Variants in C8orf34 observed in about 807,000 individuals in gnomAD.
C8orf34 encodes uncharacterized protein C8orf34.
C8orf34 carries 65 observed loss-of-function variants against 68.3 expected under a neutral mutation model. The observed-to-expected ratio is 0.95, with a 90% CI of 0.78 to 1.17. The LOEUF (loss-of-function observed/expected upper bound fraction) is 1.17. C8orf34 is among the 50% of genes most tolerant of loss of function. C8orf34 has a pLI of 0.00. For synonymous variants in C8orf34, 244 were observed against 241.2 expected (o/e 1.01, Z -0.11); for missense variants, 664 against 655.4 (o/e 1.01, Z -0.14).
chr8:68,568,417 C>T (rs1325961529), intron 7 of C8orf34, among the ~76,000 whole-genome samples: 1 of 152,154 alleles, frequency 6.6e-6, no homozygotes, highest in Non-Finnish European at 1.5e-5. Flanking sequence ...CACTTGAACA[C>T]TTCAGTATTT....
At chr8:68,527,457 AG>A (rs1815054223) in intron 6 of C8orf34, among the ~76,000 whole-genome samples, 1 of 152,166 alleles carries the variant, frequency 6.6e-6, no homozygotes, top group African/African-American at 2.4e-5. Flanking sequence ...CTGTAGTCCC[AG>A]CTACTCGGGA....
intron 1 of C8orf34, among the ~76,000 whole-genome samples, chr8:68,342,117 T>A (rs1806096082): frequency 6.6e-6 from 1 of 152,210 alleles, no homozygotes; most frequent in South Asian, 2.1e-4. Flanking sequence ...AGGTAACAGA[T>A]ATGTTAATCA....
chr8:68,702,740 C>T (rs902260795), intron 8 of C8orf34, among the ~76,000 whole-genome samples: 11 of 152,134 alleles, frequency 7.2e-5, no homozygotes, highest in Admixed American at 2.6e-4. Context: ...AATGGACATT[C>T]GACATCAGGG....
At chr8:68,390,099 C>T (rs1001410712) in intron 1 of C8orf34, among the ~76,000 whole-genome samples, 4 of 152,100 alleles carry the variant, frequency 2.6e-5, no homozygotes, top group African/African-American at 9.7e-5. Context: ...TGCTTTTCCC[C>T]TCACTGTTGT....
chr8:68,798,414 A>C (rs954875922), intron 12 of C8orf34, among the ~76,000 whole-genome samples: 6 of 150,870 alleles, frequency 4.0e-5, no homozygotes, highest in African/African-American at 1.5e-4. Context: ...TTTTAATCCT[A>C]CATCTTCATT....
In C8orf34 at chr8:68,491,353, G is replaced by A. The variant is rs918780888; in HGVS notation, c.765+3302G>A. ...TCGATTGCTGCTGTGACACTTTAAA[G>A]CAACACAAATTTATTATCTTACAGC... On this transcript the variant is annotated intron_variant, in intron 5 of 13. Transcript: ENST00000518698. Among the ~76,000 whole-genome samples the A allele has an allele frequency of 1.5e-4, 23 of 151,910 alleles. No individual in the cohort carries two copies. The East Asian group carries it at 3.9e-3, about 26-fold the overall frequency.
intron 1 of C8orf34, among the ~76,000 whole-genome samples, chr8:68,392,432 A>T (rs182562316): frequency 6.6e-6 from 1 of 152,050 alleles, no homozygotes; most frequent in East Asian, 1.9e-4. Context: ...AAAACTCTGG[A>T]AGCAAAATAA....
At chr8:68,350,161 TG>T (rs1806451095) in intron 1 of C8orf34, among the ~76,000 whole-genome samples, 2 of 152,124 alleles carry the variant, frequency 1.3e-5, no homozygotes, top group South Asian at 4.1e-4. Context: ...TCTGGTATGT[TG>T]TATGTTTGTC....
chr8:68,353,482 T>A (rs1806605360), intron 1 of C8orf34, among the ~76,000 whole-genome samples: 1 of 151,122 alleles, frequency 6.6e-6, no homozygotes, highest in Admixed American at 6.6e-5. Context: ...TAAAAAGTTA[T>A]GGATGTGTGG....
chr8:68,786,368 G>A (rs1823846386), intron 11 of C8orf34, among the ~76,000 whole-genome samples: 1 of 152,068 alleles, frequency 6.6e-6, no homozygotes, highest in South Asian at 2.1e-4. Flanking sequence ...TCTTGTGCAA[G>A]GGATATAGTA....
intron 5 of C8orf34, among the ~76,000 whole-genome samples, chr8:68,520,482 G>T (rs1367355150): frequency 6.6e-6 from 1 of 151,998 alleles, no homozygotes; most frequent in African/African-American, 2.4e-5. Context: ...ACGCAGTCTT[G>T]CTCTGTTGCC....
chr8:68,716,223 C>A (rs897765074), intron 9 of C8orf34, among the ~76,000 whole-genome samples: 10 of 151,988 alleles, frequency 6.6e-5, no homozygotes, highest in African/African-American at 2.4e-4. Context: ...GTACACTGCT[C>A]CAGTGATGGG....
At chr8:68,420,839 A>C (rs1809934747) in intron 1 of C8orf34, among the ~76,000 whole-genome samples, 2 of 151,974 alleles carry the variant, frequency 1.3e-5, no homozygotes, top group Non-Finnish European at 2.9e-5. Flanking sequence ...ACCAGAAGAA[A>C]ATATTCAGAA....
intron 8 of C8orf34, among the ~76,000 whole-genome samples, chr8:68,670,728 T>C (rs891320957): frequency 6.6e-6 from 1 of 152,212 alleles, no homozygotes; most frequent in Non-Finnish European, 1.5e-5. Flanking sequence ...TCTTTGAGTC[T>C]CATATTTGCA....
At chr8:68,377,963 C>T (rs1470495973) in intron 1 of C8orf34, among the ~76,000 whole-genome samples, 1 of 152,008 alleles carries the variant, frequency 6.6e-6, no homozygotes, top group Non-Finnish European at 1.5e-5. Context: ...CAGAAACCAT[C>T]AGATCTCATG....
intron 10 of C8orf34, among the ~76,000 whole-genome samples, chr8:68,745,967 T>C (rs1405327943): frequency 1.3e-5 from 2 of 152,086 alleles, no homozygotes; most frequent in Non-Finnish European, 2.9e-5. Flanking sequence ...TATTCCAAAA[T>C]TGACCACATA....
chr8:68,785,145 G>T (rs1823809432), intron 11 of C8orf34, among the ~76,000 whole-genome samples: 1 of 151,644 alleles, frequency 6.6e-6, no homozygotes, highest in Admixed American at 6.6e-5. Flanking sequence ...TGGAGGTTAA[G>T]GTGAGTCATT....
At chr8:68,343,345 C>T (rs1037228662) in intron 1 of C8orf34, among the ~76,000 whole-genome samples, 3 of 152,154 alleles carry the variant, frequency 2.0e-5, no homozygotes, top group East Asian at 3.9e-4. Context: ...CTGAATCACT[C>T]GTGCTTTGCA....
At chr8:68,765,568 T>A (rs1451536642) in intron 10 of C8orf34, among the ~76,000 whole-genome samples, 1 of 152,214 alleles carries the variant, frequency 6.6e-6, no homozygotes, top group African/African-American at 2.4e-5. Context: ...TATTTTCTGA[T>A]TCCAAGTCAC....
Sources: allele counts gnomAD v4.1 joint callset (sites outside exome capture counted in the v4.1 genomes callset), GRCh38; gene constraint gnomAD v4.1.1; transcripts MANE v1.5; gene names NCBI Gene and HGNC (gene_info 2026-07-23, HGNC 2026-07-21).